PHACTR1: variants seen among roughly 807,000 people sequenced by gnomAD.
PHACTR1 encodes phosphatase and actin regulator 1.
In PHACTR1, 16 loss-of-function variants were observed where a neutral mutation model predicts 69.2. That is an observed-to-expected ratio of 0.23 (90% CI 0.16 to 0.35). PHACTR1 has a LOEUF of 0.35. PHACTR1 is among the 10% of genes least tolerant of loss of function. PHACTR1 has a pLI of 1.00. For missense variants in PHACTR1, 510 were observed against 734.7 expected (o/e 0.69, Z 3.54); for synonymous variants, 312 against 284.5 (o/e 1.10, Z -0.97).
chr6:12,796,942 G>A (rs1773071628), intron 4 of PHACTR1, among the ~76,000 whole-genome samples: 1 of 151,564 alleles, frequency 6.6e-6, no homozygotes, highest in African/African-American at 2.4e-5. Context: ...ACTTGCTCAA[G>A]GACACAAAGT....
At chr6:12,884,669 G>A (rs1212498630) in intron 4 of PHACTR1, among the ~76,000 whole-genome samples, 1 of 152,172 alleles carries the variant, frequency 6.6e-6, no homozygotes, top group Non-Finnish European at 1.5e-5. Context: ...CCAAAGGGGT[G>A]GGGTTACAGG....
chr6:13,123,368 G>A (rs1186027085), intron 5 of PHACTR1, among the ~76,000 whole-genome samples: 2 of 152,164 alleles, frequency 1.3e-5, no homozygotes, highest in African/African-American at 4.8e-5. Flanking sequence ...CATTGAATGG[G>A]GCTGTCATGG....
intron 4 of PHACTR1, 99 bp downstream of exon 4, chr6:12,749,889 C>G (rs1278519473): frequency 1.7e-6 from 2 of 1,198,404 alleles, no homozygotes; most frequent in Admixed American, 5.8e-5. Context: ...CCCGCCGCCC[C>G]CCGCAGTCGG....
At chr6:13,235,705 A>C (rs1004308048) in intron 10 of PHACTR1, among the ~76,000 whole-genome samples, 11 of 152,202 alleles carry the variant, frequency 7.2e-5, no homozygotes, top group African/African-American at 2.4e-4. Flanking sequence ...GTAAGTTGAT[A>C]GGGCTACTCA....
chr6:13,265,009 T>A (rs1315422911), intron 10 of PHACTR1: 4 of 144,682 alleles, frequency 2.8e-5, no homozygotes, highest in African/African-American at 1.0e-4. Flanking sequence ...GTGACCAGAG[T>A]GAGGCCCCAT....
At chr6:12,923,210 G>T (rs1342223494) in intron 4 of PHACTR1, among the ~76,000 whole-genome samples, 3 of 152,082 alleles carry the variant, frequency 2.0e-5, no homozygotes, top group African/African-American at 4.8e-5. Context: ...GAGGAGACAG[G>T]GGTCTAGATA....
intron 12 of PHACTR1, 94 bp downstream of exon 12, chr6:13,278,423 C>A: frequency 1.8e-6 from 2 of 1,083,126 alleles, no homozygotes; most frequent in Admixed American, 2.2e-5. Context: ...CTCACCGCTG[C>A]CTGGTTCCTC....
At chr6:12,820,098 A>G (rs568455793) in intron 4 of PHACTR1, among the ~76,000 whole-genome samples, 5 of 152,330 alleles carry the variant, frequency 3.3e-5, no homozygotes, top group African/African-American at 1.2e-4. Context: ...TATTGCATAC[A>G]AGTGTAAGTC....
At chr6:12,932,498 A>G (rs552501861) in intron 4 of PHACTR1, among the ~76,000 whole-genome samples, 2 of 152,360 alleles carry the variant, frequency 1.3e-5, no homozygotes, top group Admixed American at 6.5e-5. Context: ...CCTTCTATTT[A>G]TAATATAAGT....
intron 4 of PHACTR1, among the ~76,000 whole-genome samples, chr6:12,883,284 G>T (rs1783284557): frequency 6.6e-6 from 1 of 152,032 alleles, no homozygotes; most frequent in African/African-American, 2.4e-5. Flanking sequence ...TGCCATCTCG[G>T]CTCACTGCAA....
intron 5 of PHACTR1, among the ~76,000 whole-genome samples, chr6:13,057,254 C>G (rs1416669908): frequency 6.6e-6 from 1 of 151,984 alleles, no homozygotes; most frequent in Admixed American, 6.6e-5. Flanking sequence ...CATGTACCCC[C>G]AAAATATATA....
chr6:12,848,455 C>A (rs1279378901), intron 4 of PHACTR1, among the ~76,000 whole-genome samples: 2 of 152,116 alleles, frequency 1.3e-5, no homozygotes, highest in Non-Finnish European at 2.9e-5. Context: ...AATCAAGGCG[C>A]CCATCTCATT....
chr6:12,935,858 T>C (rs1328321820), intron 4 of PHACTR1, among the ~76,000 whole-genome samples: 1 of 152,150 alleles, frequency 6.6e-6, no homozygotes, highest in Non-Finnish European at 1.5e-5. Context: ...TGAGCCTGTG[T>C]GCATGCAAGC....
intron 4 of PHACTR1, among the ~76,000 whole-genome samples, chr6:12,798,094 G>A (rs1773281072): frequency 8.1e-6 from 1 of 124,004 alleles, no homozygotes; most frequent in South Asian, 2.5e-4. Flanking sequence ...TATAAGGGGA[G>A]GGACTTTGGT....
intron 4 of PHACTR1, among the ~76,000 whole-genome samples, chr6:12,867,859 G>A (rs1032404897): frequency 2.6e-5 from 4 of 152,080 alleles, no homozygotes; most frequent in African/African-American, 9.7e-5. Flanking sequence ...TTGTCTGTGT[G>A]TGGGTAGACA....
chr6:13,029,133 G>A (rs557050568), intron 4 of PHACTR1, among the ~76,000 whole-genome samples: 3 of 152,306 alleles, frequency 2.0e-5, no homozygotes, highest in Admixed American at 2.0e-4. Flanking sequence ...GAACTAGATA[G>A]TATGCCTGAG....
intron 5 of PHACTR1, among the ~76,000 whole-genome samples, chr6:13,126,479 G>A (rs940311082): frequency 6.6e-6 from 1 of 152,304 alleles, no homozygotes; most frequent in East Asian, 1.9e-4. Flanking sequence ...TGCATCAAGA[G>A]ACCAAACTCT....
intron 4 of PHACTR1, among the ~76,000 whole-genome samples, chr6:12,805,274 T>G (rs914581337): frequency 6.6e-6 from 1 of 152,212 alleles, no homozygotes; most frequent in African/African-American, 2.4e-5. Flanking sequence ...ACTCTTTAAC[T>G]TCTCCTTAAA....
chr6:12,880,397 G>A (rs975320597), intron 4 of PHACTR1, among the ~76,000 whole-genome samples: 1 of 151,924 alleles, frequency 6.6e-6, no homozygotes, highest in East Asian at 1.9e-4. Flanking sequence ...TCAGAGACTT[G>A]ATACAGGCAC....
Sources: allele counts gnomAD v4.1 joint callset (sites outside exome capture counted in the v4.1 genomes callset), GRCh38; gene constraint gnomAD v4.1.1; transcripts MANE v1.5; gene names NCBI Gene and HGNC (gene_info 2026-07-23, HGNC 2026-07-21).